The following VWA8 variants were observed in gnomAD, a reference collection of about 807,000 sequenced individuals.
VWA8 encodes the protein von Willebrand factor A domain-containing protein 8.
VWA8 carries 221 observed loss-of-function variants against 241.5 expected under a neutral mutation model. The ratio of observed to expected loss-of-function variants is 0.91; its 90% CI spans 0.82 to 1.02. The LOEUF (loss-of-function observed/expected upper bound fraction) is 1.02, where lower values mean the gene tolerates loss of function less well. Among genes scored for constraint, VWA8 ranks in the 50% least tolerant of loss-of-function variants. VWA8 has a pLI of 0.00. For missense variants in VWA8, 2,322 were observed against 2,328.7 expected, an observed-to-expected ratio of 1.00 and a Z score of 0.06; for synonymous variants, 852 against 827.1, an observed-to-expected ratio of 1.03 and a Z score of -0.52.
At chr13:41,759,848 GT>G (rs910224134) in intron 21 of VWA8, among the ~76,000 whole-genome samples, 1 of 151,568 alleles carries the variant, frequency 6.6e-6, no homozygotes, top group African/African-American at 2.4e-5. Flanking sequence ...TTTTGTTCAG[GT>G]ATGAAGTCAA....
intron 8 of VWA8, 30 bp downstream of exon 8, chr13:41,885,890 G>T: frequency 2.0e-6 from 3 of 1,474,590 alleles, no homozygotes; most frequent in Non-Finnish European, 2.8e-6. Context: ...ACATATTTGG[G>T]TATGCCAGTC....
chr13:41,609,358 T>A lies in VWA8; in HGVS notation c.4877+2218A>T, dbSNP rs112764683. On this transcript the variant is annotated intron_variant, in intron 39 of 44. Transcript: ENST00000379310. ...ATGATAGCGAGGAATTATTACTTTT[T>A]AAAGACTTAATAATAGTATTGTGAG... Among the ~76,000 whole-genome samples, 1,064 of 152,326 alleles carry A rather than the reference T, an allele frequency of 7.0e-3. 14 individuals carry two copies. Among genetic ancestry groups the A allele is most frequent in the African/African-American group, 0.025 (1,023 of 41,574 alleles).
intron 39 of VWA8, 32 bp downstream of exon 39, chr13:41,611,544 A>G (rs766717292): frequency 2.5e-6 from 4 of 1,610,082 alleles, no homozygotes; most frequent in Non-Finnish European, 3.4e-6. Context: ...CCATAGCAGT[A>G]GTGCTGGTCT....
At chr13:41,833,972 T>C (rs1871601347) in intron 12 of VWA8, among the ~76,000 whole-genome samples, 1 of 152,166 alleles carries the variant, frequency 6.6e-6, no homozygotes, top group African/African-American at 2.4e-5. Flanking sequence ...TGCAGAGATG[T>C]TTATCAATAA....
At chr13:41,942,716 C>T (rs1189303066) in intron 2 of VWA8, among the ~76,000 whole-genome samples, 1 of 152,120 alleles carries the variant, frequency 6.6e-6, no homozygotes, top group African/African-American at 2.4e-5. Context: ...GGACCTTTCC[C>T]TAGTGCAAGG....
chr13:41,885,901 ATTAAT>A lies in VWA8; in HGVS notation c.975+14_975+18del. On this transcript the variant is annotated intron_variant, in intron 8 of 44. Coordinates refer to ENST00000379310, the MANE Select transcript of VWA8 (RefSeq NM_015058.2). ...TTTAACATATTTGGGTATGCCAGTC[ATTAAT>A]TTATTTTACTTACCAAGATTTGAAC... 6.5e-7 allele frequency: 1 copy of A among 1,535,068 alleles called. No individual in the cohort carries two copies. Among genetic ancestry groups the A allele is most frequent in the African/African-American group, 1.4e-5 (1 of 71,314 alleles).
chr13:41,841,836 TATATATATATATATATATATATAA>T lies in VWA8; in HGVS notation c.1426-8329_1426-8306del, dbSNP rs759368259. On this transcript the variant is annotated intron_variant, in intron 12 of 44. Coordinates refer to ENST00000379310, the MANE Select transcript of VWA8 (RefSeq NM_015058.2). The stretch of plus-strand genomic sequence containing the variant: ...AAAAAAAAAAATATATATATATATA[TATATATATATATATATATATATAA>T]AAACAGTAGACATTTAATATTTTTT... 7.9e-3 allele frequency among the ~76,000 whole-genome samples: 657 copies of T among 83,428 alleles called. 27 individuals are homozygous for T. Among genetic ancestry groups the T allele is most frequent in the African/African-American group, 0.024 (403 of 16,716 alleles). The allele number at this position is 83,428 out of a possible 152,430, so 54.7% of individuals were successfully genotyped here. A position where few individuals can be genotyped will look rare whatever the true frequency, so the allele number is the denominator to read the frequency against.
intron 23 of VWA8, among the ~76,000 whole-genome samples, chr13:41,729,233 AT>A (rs1202193836): frequency 2.0e-5 from 3 of 152,094 alleles, no homozygotes; most frequent in African/African-American, 7.2e-5. Context: ...TGAAAAAAAA[AT>A]CATACACAAA....
chr13:41,797,874 T>A (rs947665024), intron 17 of VWA8, among the ~76,000 whole-genome samples: 1 of 152,166 alleles, frequency 6.6e-6, no homozygotes, highest in African/African-American at 2.4e-5. Flanking sequence ...CTAACTGTTA[T>A]CTGGAAAGTT....
At chr13:41,819,483 C>T in intron 14 of VWA8, 97 bp from the exon 15 acceptor site, 2 of 1,226,492 alleles carry the variant, frequency 1.6e-6, no homozygotes, top group African/African-American at 1.5e-5. Context: ...GGCTATCATA[C>T]TGTTAATAAT....
chr13:41,662,424 T>A (rs2044956328), intron 37 of VWA8, among the ~76,000 whole-genome samples: 1 of 152,078 alleles, frequency 6.6e-6, no homozygotes, highest in South Asian at 2.1e-4. Flanking sequence ...TAGATGTATT[T>A]TTAAATTTTA....
intron 14 of VWA8, among the ~76,000 whole-genome samples, chr13:41,823,314 T>C (rs1320082989): frequency 6.6e-6 from 1 of 152,134 alleles, no homozygotes; most frequent in Non-Finnish European, 1.5e-5. Flanking sequence ...TAAACTGTTT[T>C]CAGTGTTCAA....
Position 41,701,030 on chromosome 13 carries a change from C to G in VWA8, c.3364+362G>C, listed in dbSNP as rs531041140. On this transcript the variant is annotated intron_variant, in intron 28 of 44. Transcript: ENST00000379310. ...GTTTAATGACTGCAAATCACTCCAG[C>G]CCTACTTTCATGGTTCATGTAATCA... Among the ~76,000 whole-genome samples the G allele has an allele frequency of 3.3e-5, 5 of 152,314 alleles. No individual in the cohort carries two copies. In the South Asian group the frequency reaches 1.0e-3, roughly 32 times the overall value.
intron 8 of VWA8, among the ~76,000 whole-genome samples, chr13:41,884,089 T>G (rs1874394115): frequency 6.6e-6 from 1 of 152,176 alleles, no homozygotes; most frequent in Non-Finnish European, 1.5e-5. Context: ...ACTGTTAACA[T>G]GATATGAAGT....
At chr13:41,855,322 A>T (rs1298204374) in intron 12 of VWA8, among the ~76,000 whole-genome samples, 3 of 145,786 alleles carry the variant, frequency 2.1e-5, no homozygotes, top group Middle Eastern at 3.6e-3. Flanking sequence ...ATATTTATTT[A>T]TATATATATA....
intron 12 of VWA8, among the ~76,000 whole-genome samples, chr13:41,850,817 CAGA>C (rs934602314): frequency 1.3e-5 from 2 of 152,126 alleles, no homozygotes; most frequent in Non-Finnish European, 2.9e-5. Flanking sequence ...CCAAAACCAC[CAGA>C]AGAACAAAAT....
intron 1 of VWA8, among the ~76,000 whole-genome samples, chr13:41,951,437 C>T (rs1363967714): frequency 6.6e-6 from 1 of 152,020 alleles, no homozygotes; most frequent in African/African-American, 2.4e-5. Context: ...AAAATAAAAG[C>T]CAAGAATTCC....
At position 41,679,469 on chromosome 13, in the gene VWA8, G is replaced by T. The variant is rs866074634; in HGVS notation, c.4328-4173C>A. Among the ~76,000 whole-genome samples the T allele has an allele frequency of 5.3e-5, 8 of 152,206 alleles. No individual in the cohort carries two copies. The East Asian group carries it at 1.5e-3, about 29-fold the overall frequency. Reference sequence around the variant, plus strand: ...CAAACTGTGCTGATACCAAATTTTTGATTTTACCCAAAGTTCAAAAAAACA... The same window carrying T: ...CAAACTGTGCTGATACCAAATTTTTTATTTTACCCAAAGTTCAAAAAAACA... On this transcript the variant is annotated intron_variant, in intron 35 of 44. Transcript: ENST00000379310.
chr13:41,881,846 G>T (rs1387351017), intron 9 of VWA8, among the ~76,000 whole-genome samples: 3 of 140,276 alleles, frequency 2.1e-5, no homozygotes, highest in African/African-American at 5.7e-5. Flanking sequence ...GCGGCTGGCC[G>T]GGCGGGGGGC....
Sources: gnomAD v4.1 joint callset for allele counts (sites outside exome capture counted in the v4.1 genomes callset) on GRCh38, gnomAD v4.1.1 for gene constraint, MANE v1.5 for transcripts, NCBI Gene and HGNC (gene_info 2026-07-23, HGNC 2026-07-21) for gene names.